Variants in ZNF732 observed in about 807,000 individuals in gnomAD.
ZNF732 encodes zinc finger protein 732.
ZNF732 carries 12 observed loss-of-function variants against 11.5 expected under a neutral mutation model. That is an observed-to-expected ratio of 1.05 (90% CI 0.67 to 1.70). ZNF732 has a LOEUF of 1.70. ZNF732 is among the 40% of genes most tolerant of loss of function. The probability of loss-of-function intolerance (pLI) is 0.00; values close to 1 mark genes in which losing one functional copy is unlikely to be tolerated. For missense variants in ZNF732, 702 were observed against 676.9 expected, an observed-to-expected ratio of 1.04 and a Z score of -0.41; for synonymous variants, 231 against 236.5, an observed-to-expected ratio of 0.98 and a Z score of 0.21.
At chr4:277,419 CTT>C (rs1474067609) in intron 3 of ZNF732, among the ~76,000 whole-genome samples, 3 of 151,876 alleles carry the variant, frequency 2.0e-5, no homozygotes, top group Non-Finnish European at 2.9e-5. Flanking sequence ...GTATAACAAA[CTT>C]AACAAAAATA....
At position 292,741 on chromosome 4, in the gene ZNF732, A is replaced by C. The variant is rs2108658269; in HGVS notation, c.226+2697T>G. On this transcript the variant is annotated intron_variant, in intron 3 of 3. Coordinates refer to ENST00000419098, the MANE Select transcript of ZNF732 (RefSeq NM_001137608.3). ...CTGTTGGTGAGATGTAAATTGATAAAGTCATCATAAAAAACAATAAAAAGG... is the reference window on the plus strand; with the variant it reads ...CTGTTGGTGAGATGTAAATTGATAACGTCATCATAAAAAACAATAAAAAGG... Among the ~76,000 whole-genome samples, 2 of 151,584 alleles carry C rather than the reference A, an allele frequency of 1.3e-5. 1 individual carries two copies. The highest frequency in any genetic ancestry group is 4.8e-5 in the African/African-American group (2 of 41,334).
At chr4:292,142 T>C (rs1322263491) in intron 3 of ZNF732, among the ~76,000 whole-genome samples, 3 of 152,220 alleles carry the variant, frequency 2.0e-5, no homozygotes, top group East Asian at 1.9e-4. Flanking sequence ...CTGTTGATAC[T>C]GGCTTTGGCA....
At chr4:274,582 T>C (rs58641957) in intron 3 of ZNF732, among the ~76,000 whole-genome samples, 9,160 of 151,662 alleles carry the variant, frequency 0.06, 471 homozygotes, top group African/African-American at 0.14. Flanking sequence ...ATAAGGGGAT[T>C]GACTGCAAAA....
intron 1 of ZNF732, among the ~76,000 whole-genome samples, chr4:302,472 T>C (rs530953454): frequency 9.8e-5 from 15 of 152,314 alleles, no homozygotes; most frequent in African/African-American, 3.4e-4. Flanking sequence ...CCTAGTAATC[T>C]GAGAACTCAT....
Position 305,398 on chromosome 4 carries a change from C to G in ZNF732, c.-88G>C, listed in dbSNP as rs1209708866. The G allele has an allele frequency of 6.3e-7, 1 of 1,579,250 alleles. No individual in the cohort carries two copies. The highest frequency in any genetic ancestry group is 1.3e-5 in the African/African-American group (1 of 74,348). On this transcript the variant is annotated 5_prime_UTR_variant, in exon 1 of 4. Transcript: ENST00000419098. Reference sequence around the variant, plus strand: ...GAGCGACGGAGGCTGAGGCTGTGACCGAATCACCGACGCCTCCCTGAGGGG... The same window carrying G: ...GAGCGACGGAGGCTGAGGCTGTGACGGAATCACCGACGCCTCCCTGAGGGG...
At chr4:276,841 T>C (rs961189984) in intron 3 of ZNF732, among the ~76,000 whole-genome samples, 4 of 150,324 alleles carry the variant, frequency 2.7e-5, no homozygotes, top group Non-Finnish European at 5.9e-5. Flanking sequence ...GACCCCCAAA[T>C]AGCAAAAGTA....
Position 270,880 on chromosome 4 carries a change from T to C in ZNF732, c.*219A>G, listed in dbSNP as rs188166045. 4.4e-4 allele frequency: 311 copies of C among 714,684 alleles called. No individual in the cohort carries two copies. In the African/African-American group the frequency reaches 4.7e-3, roughly 11 times the overall value. 44.3% of individuals were successfully genotyped at this position (714,684 alleles called of 1,614,324 possible). On this transcript the variant is annotated 3_prime_UTR_variant, in exon 4 of 4. Transcript: ENST00000419098. Reference sequence around the variant, plus strand: ...TTGCTCTCCAGCATCAATTTTCTTATGTTGATTCAGGTATGCGGACTGTTT... The same window carrying C: ...TTGCTCTCCAGCATCAATTTTCTTACGTTGATTCAGGTATGCGGACTGTTT...
chr4:277,724 G>A (rs1451203756), intron 3 of ZNF732, among the ~76,000 whole-genome samples: 1 of 151,792 alleles, frequency 6.6e-6, no homozygotes, highest in Non-Finnish European at 1.5e-5. Flanking sequence ...ATCAACAAAT[G>A]GTATTTTAAC....
chr4:299,411 A>G (rs1581548806), intron 1 of ZNF732, among the ~76,000 whole-genome samples: 1 of 98,402 alleles, frequency 1.0e-5, no homozygotes, highest in African/African-American at 3.6e-5. Context: ...GTGTATATAT[A>G]TATACACATA....
chr4:297,799 T>C (rs1340374068), intron 1 of ZNF732, among the ~76,000 whole-genome samples: 6 of 152,270 alleles, frequency 3.9e-5, no homozygotes, highest in African/African-American at 1.2e-4. Context: ...GTAGGAGTAG[T>C]CACTCCAAAC....
At position 299,516 on chromosome 4, in the gene ZNF732, T is replaced by C. The variant is rs549481903; in HGVS notation, c.4-3361A>G. Among the ~76,000 whole-genome samples the C allele has an allele frequency of 1.7e-4, 20 of 120,832 alleles. 3 individuals are homozygous for C. The highest frequency in any genetic ancestry group is 2.3e-4 in the South Asian group (1 of 4,352). 79.3% of individuals were successfully genotyped at this position (120,832 alleles called of 152,430 possible). ...GTGTGTATATATACACACATATACGTATATATGTGTATATATACATATATA... is the reference window on the plus strand; with the variant it reads ...GTGTGTATATATACACACATATACGCATATATGTGTATATATACATATATA... On this transcript the variant is annotated intron_variant, in intron 1 of 3. Transcript: ENST00000419098.
At chr4:299,567 T>A (rs868909818) in intron 1 of ZNF732, among the ~76,000 whole-genome samples, 40 of 139,978 alleles carry the variant, frequency 2.9e-4, no homozygotes, top group African/African-American at 5.3e-4. Flanking sequence ...ATATATAGTT[T>A]TATATATATA....
intron 1 of ZNF732, among the ~76,000 whole-genome samples, chr4:302,301 A>G (rs1009965171): frequency 6.6e-6 from 1 of 152,216 alleles, no homozygotes; most frequent in Non-Finnish European, 1.5e-5. Flanking sequence ...AAACTCCACA[A>G]TAATAGAGAA....
chr4:300,118 A>T (rs1431735927), intron 1 of ZNF732, among the ~76,000 whole-genome samples: 2 of 151,844 alleles, frequency 1.3e-5, no homozygotes, highest in African/African-American at 2.4e-5. Flanking sequence ...ATATACATTA[A>T]CATATAAGGT....
At chr4:278,139 G>C (rs1161141486) in intron 3 of ZNF732, among the ~76,000 whole-genome samples, 1 of 152,098 alleles carries the variant, frequency 6.6e-6, no homozygotes, top group Non-Finnish European at 1.5e-5. Flanking sequence ...AAATACAAAA[G>C]ATCTTACCCA....
At chr4:303,835 T>G (rs1720170206) in intron 1 of ZNF732, among the ~76,000 whole-genome samples, 1 of 151,980 alleles carries the variant, frequency 6.6e-6, no homozygotes, top group African/African-American at 2.4e-5. Context: ...GCACAGGAAA[T>G]AAGATTTGTG....
rs1324673905 is a variant in ZNF732 at position 296,022 on chromosome 4, T to C, written c.130+7A>G. ...TATTAGGAATTATTTACTGAAGTTA[T>C]CCTCACCCAGGGAGATCAGGTTCCT... On this transcript the variant is annotated splice_region_variant and intron_variant, in intron 2 of 3. Transcript: ENST00000419098. The C allele has an allele frequency of 4.4e-6, 7 of 1,608,666 alleles. No homozygotes were observed. Among genetic ancestry groups the C allele is most frequent in the African/African-American group, 1.3e-5 (1 of 74,518 alleles).
chr4:270,987 CA>C lies in ZNF732; in HGVS notation c.*111del. On this transcript the variant is annotated 3_prime_UTR_variant, in exon 4 of 4. Coordinates refer to ENST00000419098, the MANE Select transcript of ZNF732 (RefSeq NM_001137608.3). ...CTTTCATTCAGGGTTGTGGACCATC[CA>C]AAAGCTTTGCCACATTCTTCACATT... The C allele has an allele frequency of 1.0e-6, 1 of 960,948 alleles. No individual in the cohort carries two copies. Among genetic ancestry groups the C allele is most frequent in the South Asian group, 1.6e-5 (1 of 62,456 alleles). 59.5% of individuals were successfully genotyped at this position (960,948 alleles called of 1,614,324 possible). A position where few individuals can be genotyped will look rare whatever the true frequency, so the allele number is the denominator to read the frequency against.
chr4:299,484 C>T (rs1246059501), intron 1 of ZNF732, among the ~76,000 whole-genome samples: 1 of 102,986 alleles, frequency 9.7e-6, no homozygotes, highest in Non-Finnish European at 1.9e-5. Context: ...CACATATATA[C>T]ACATATGTGT....
Sources: allele counts gnomAD v4.1 joint callset (sites outside exome capture counted in the v4.1 genomes callset), GRCh38; gene constraint gnomAD v4.1.1; transcripts MANE v1.5; gene names NCBI Gene and HGNC (gene_info 2026-07-23, HGNC 2026-07-21).